FAM135B: variants seen among roughly 807,000 people sequenced by gnomAD.
FAM135B encodes protein FAM135B.
FAM135B carries 43 observed loss-of-function variants against 127.7 expected under a neutral mutation model. The observed-to-expected ratio is 0.34, with a 90% confidence interval of 0.26 to 0.43. FAM135B has a LOEUF of 0.43. Among genes scored for constraint, FAM135B ranks in the 20% least tolerant of loss-of-function variants. The pLI is 1.00. For synonymous variants in FAM135B, 670 were observed against 665.1 expected (o/e 1.01, Z -0.11); for missense variants, 1,558 against 1,725.6 (o/e 0.90, Z 1.72).
chr8:138,256,843 G>C, intron 4 of FAM135B, 84 bp from the exon 5 acceptor site: 1 of 996,970 alleles, frequency 1.0e-6, no homozygotes, highest in South Asian at 1.4e-5. Flanking sequence ...TCCCAAAGTA[G>C]AGAAACACTA....
intron 1 of FAM135B, among the ~76,000 whole-genome samples, chr8:138,427,179 A>G (rs920956732): frequency 6.6e-6 from 1 of 151,670 alleles, no homozygotes; most frequent in Non-Finnish European, 1.5e-5. Flanking sequence ...GTAGACAGGA[A>G]CAAAAGGGAG....
At chr8:138,251,998 C>T (rs1018698121) in intron 5 of FAM135B, among the ~76,000 whole-genome samples, 2 of 152,192 alleles carry the variant, frequency 1.3e-5, no homozygotes, top group South Asian at 2.1e-4. Context: ...CCTTGAAACC[C>T]TTGTTCCTTG....
chr8:138,468,122 T>G (rs1366911049), intron 1 of FAM135B, among the ~76,000 whole-genome samples: 1 of 152,246 alleles, frequency 6.6e-6, no homozygotes, highest in Non-Finnish European at 1.5e-5. Context: ...ATGCCTTTCT[T>G]CAACATTTCT....
At chr8:138,164,095 C>T (rs1819671870) in intron 12 of FAM135B, among the ~76,000 whole-genome samples, 2 of 152,208 alleles carry the variant, frequency 1.3e-5, no homozygotes, top group South Asian at 2.1e-4. Flanking sequence ...CATGGCAAGG[C>T]GTAAGTATTA....
chr8:138,491,346 T>C (rs1171290300), intron 1 of FAM135B, among the ~76,000 whole-genome samples: 1 of 152,222 alleles, frequency 6.6e-6, no homozygotes, highest in Non-Finnish European at 1.5e-5. Flanking sequence ...AGTGTCTAGC[T>C]GGAGACCCCT....
intron 7 of FAM135B, among the ~76,000 whole-genome samples, chr8:138,224,112 C>A (rs1393643868): frequency 2.0e-5 from 3 of 152,072 alleles, no homozygotes; most frequent in Non-Finnish European, 4.4e-5. Context: ...ATCAACTGTA[C>A]CCCAAACCTC....
At chr8:138,277,332 C>G (rs1306666674) in intron 3 of FAM135B, among the ~76,000 whole-genome samples, 1 of 152,150 alleles carries the variant, frequency 6.6e-6, no homozygotes, top group African/African-American at 2.4e-5. Context: ...GAGAGGTTCC[C>G]TCTCTCCAGC....
intron 1 of FAM135B, chr8:138,440,940 A>T (rs561184280): frequency 6.6e-6 from 1 of 152,278 alleles, no homozygotes; most frequent in Admixed American, 6.5e-5. Flanking sequence ...TGTTCCTGCC[A>T]CTATGTAACA....
chr8:138,154,700 G>A (rs7831139), intron 12 of FAM135B, among the ~76,000 whole-genome samples: 105,411 of 151,866 alleles, frequency 0.69, 36,617 homozygotes, highest in East Asian at 0.77. Context: ...ATCAGTGATT[G>A]AAGATCAAAT....
At chr8:138,431,165 CTG>C (rs1322607824) in intron 1 of FAM135B, among the ~76,000 whole-genome samples, 1 of 152,118 alleles carries the variant, frequency 6.6e-6, no homozygotes, top group African/African-American at 2.4e-5. Flanking sequence ...AAAATTGAAA[CTG>C]AAAGAGATTA....
At chr8:138,176,058 A>G (rs1814435656) in intron 11 of FAM135B, among the ~76,000 whole-genome samples, 1 of 152,254 alleles carries the variant, frequency 6.6e-6, no homozygotes, top group African/African-American at 2.4e-5. Flanking sequence ...GAAAAAAACA[A>G]GAAGGACAGA....
chr8:138,412,613 C>T (rs1450883098), intron 1 of FAM135B, among the ~76,000 whole-genome samples: 1 of 152,156 alleles, frequency 6.6e-6, no homozygotes, highest in Non-Finnish European at 1.5e-5. Flanking sequence ...TACCTGTCTC[C>T]TCCCACCTGC....
chr8:138,309,493 T>G (rs1463301825), intron 3 of FAM135B, among the ~76,000 whole-genome samples: 7 of 152,224 alleles, frequency 4.6e-5, no homozygotes. Flanking sequence ...TCTTTCCTTT[T>G]GTAGATCACA....
In FAM135B at chr8:138,152,054, A is replaced by G. The variant is rs2130754239; in HGVS notation, c.2421T>C (p.Gly807=). The change falls in exon 13 of 20, where the codon GGT becomes GGC. Residue 807 remains glycine (G), a synonymous_variant. Transcript: ENST00000395297. ...EPSDMHSKSQ[G]SPGSCSQLCG... ...AAAGTTGAGAGCAAGATCCTGGGGAACCTTGGCTCTTGCTGTGCATATCTG... is the reference window on the plus strand; with the variant it reads ...AAAGTTGAGAGCAAGATCCTGGGGAGCCTTGGCTCTTGCTGTGCATATCTG... 1.2e-6 allele frequency: 2 copies of G among 1,614,020 alleles called. No individual in the cohort carries two copies. The highest frequency in any genetic ancestry group is 1.6e-4 in the Middle Eastern group (1 of 6,062).
intron 1 of FAM135B, among the ~76,000 whole-genome samples, chr8:138,402,740 T>C (rs1833222376): frequency 6.6e-6 from 1 of 152,194 alleles, no homozygotes; most frequent in East Asian, 1.9e-4. Context: ...AAGGTTATCA[T>C]CCCAGTGCAA....
chr8:138,193,252 T>C (rs547030421), intron 9 of FAM135B, among the ~76,000 whole-genome samples: 3 of 152,298 alleles, frequency 2.0e-5, no homozygotes, highest in South Asian at 2.1e-4. Flanking sequence ...TCAGGGGCTA[T>C]AGAAAGATTA....
chr8:138,288,047 T>G (rs2130781355), intron 3 of FAM135B, among the ~76,000 whole-genome samples: 1 of 152,302 alleles, frequency 6.6e-6, no homozygotes, highest in South Asian at 2.1e-4. Flanking sequence ...TAATTATCAC[T>G]TATGTAGCAA....
At chr8:138,246,903 C>A (rs774004813) in intron 6 of FAM135B, among the ~76,000 whole-genome samples, 5 of 152,222 alleles carry the variant, frequency 3.3e-5, no homozygotes, top group South Asian at 2.1e-4. Flanking sequence ...TGCATCAGCA[C>A]GGCCTGGATG....
intron 7 of FAM135B, among the ~76,000 whole-genome samples, chr8:138,200,171 C>G (rs913769528): frequency 2.6e-5 from 4 of 152,180 alleles, no homozygotes; most frequent in Non-Finnish European, 5.9e-5. Context: ...TGAAGTCTGG[C>G]CTTGGATTAA....
Sources: allele counts gnomAD v4.1 joint callset (sites outside exome capture counted in the v4.1 genomes callset), GRCh38; gene constraint gnomAD v4.1.1; transcripts MANE v1.5; gene names NCBI Gene and HGNC (gene_info 2026-07-23, HGNC 2026-07-21).